GABBR2: variants seen among roughly 807,000 people sequenced by gnomAD.
GABBR2 encodes the protein G-protein coupled receptor 51.
Under a neutral mutation model 105.6 loss-of-function variants are expected in GABBR2, and 23 were observed. That is an observed-to-expected ratio of 0.22 (90% CI 0.16 to 0.31). The LOEUF (loss-of-function observed/expected upper bound fraction) is 0.31. GABBR2 is among the 10% of genes least tolerant of loss of function. The pLI, the probability that GABBR2 is intolerant of heterozygous loss-of-function variation, is 1.00. For missense variants in GABBR2, 734 were observed against 1,245.5 expected (o/e 0.59, Z 6.18); for synonymous variants, 478 against 499.7 (o/e 0.96, Z 0.58).
intron 15 of GABBR2, among the ~76,000 whole-genome samples, chr9:98,303,687 C>G (rs1048044785): frequency 2.0e-5 from 3 of 152,240 alleles, no homozygotes; most frequent in African/African-American, 7.2e-5. Context: ...CTGATGCCAC[C>G]TGCATCCCAA....
chr9:98,357,069 A>T (rs759624416), intron 13 of GABBR2, among the ~76,000 whole-genome samples: 1 of 152,226 alleles, frequency 6.6e-6, no homozygotes, highest in African/African-American at 2.4e-5. Context: ...CAGTGAATCT[A>T]CTCTGTATGA....
intron 8 of GABBR2, among the ~76,000 whole-genome samples, chr9:98,399,336 A>C (rs1251690475): frequency 6.8e-6 from 1 of 147,644 alleles, no homozygotes; most frequent in Non-Finnish European, 1.5e-5. Flanking sequence ...TGGGTGACAA[A>C]GCAAGACTCC....
At chr9:98,435,106 G>A (rs1361130447) in intron 7 of GABBR2, among the ~76,000 whole-genome samples, 2 of 152,122 alleles carry the variant, frequency 1.3e-5, no homozygotes, top group Admixed American at 1.3e-4. Context: ...TTTTTAATGC[G>A]CATTTGCCAA....
chr9:98,620,548 C>T (rs1341023734), intron 1 of GABBR2, among the ~76,000 whole-genome samples: 1 of 151,764 alleles, frequency 6.6e-6, no homozygotes, highest in South Asian at 2.1e-4. Context: ...CTTTGCCAAC[C>T]CACCCTTGAT....
intron 7 of GABBR2, among the ~76,000 whole-genome samples, chr9:98,414,266 A>G (rs1007490001): frequency 6.6e-6 from 1 of 152,250 alleles, no homozygotes; most frequent in Non-Finnish European, 1.5e-5. Flanking sequence ...ATTTGCACTG[A>G]AACCTGAAGG....
At chr9:98,345,581 A>T (rs12554390) in intron 13 of GABBR2, among the ~76,000 whole-genome samples, 29,761 of 152,236 alleles carry the variant, frequency 0.2, 3,644 homozygotes, top group East Asian at 0.27. Context: ...CCTATTCAAC[A>T]TTGTACTAGA....
At chr9:98,500,284 A>T (rs922349981) in intron 3 of GABBR2, among the ~76,000 whole-genome samples, 3 of 152,342 alleles carry the variant, frequency 2.0e-5, no homozygotes, top group African/African-American at 7.2e-5. Flanking sequence ...CTGGGGGCCT[A>T]ATCTGCATAT....
In GABBR2 at chr9:98,385,786, G is replaced by A. The variant is rs894772204; in HGVS notation, c.1530-14C>T. 6.2e-7 allele frequency: 1 copy of A among 1,602,712 alleles called. No individual in the cohort carries two copies. Among genetic ancestry groups the A allele is most frequent in the Non-Finnish European group, 8.5e-7 (1 of 1,170,144 alleles). On this transcript the variant is annotated splice_polypyrimidine_tract_variant and intron_variant, in intron 10 of 18. Transcript: ENST00000259455. ...ATCTTTATGAGCCTGACAAGAGAAAGAGACAATAGATTTAACAGAATGGTT... is the reference window on the plus strand; with the variant it reads ...ATCTTTATGAGCCTGACAAGAGAAAAAGACAATAGATTTAACAGAATGGTT...
At chr9:98,619,036 T>C (rs1829632305) in intron 1 of GABBR2, among the ~76,000 whole-genome samples, 1 of 152,204 alleles carries the variant, frequency 6.6e-6, no homozygotes, top group African/African-American at 2.4e-5. Context: ...TGAAGTGAAG[T>C]GTTCTAAGAT....
intron 1 of GABBR2, among the ~76,000 whole-genome samples, chr9:98,612,402 C>T (rs1477576701): frequency 2.0e-5 from 3 of 152,192 alleles, no homozygotes; most frequent in Admixed American, 6.5e-5. Flanking sequence ...GTGTTAGATG[C>T]TCACCTGTGT....
At chr9:98,683,237 G>T (rs149432071) in intron 1 of GABBR2, among the ~76,000 whole-genome samples, 2 of 152,150 alleles carry the variant, frequency 1.3e-5, no homozygotes, top group Non-Finnish European at 2.9e-5. Flanking sequence ...GAGATTACAG[G>T]CATGGGCCGC....
chr9:98,410,732 T>C (rs534980026), intron 7 of GABBR2, among the ~76,000 whole-genome samples: 1 of 152,156 alleles, frequency 6.6e-6, no homozygotes, highest in African/African-American at 2.4e-5. Context: ...CATTATTTCA[T>C]TTGTATTCCA....
chr9:98,431,481 G>A lies in GABBR2; in HGVS notation c.1236+22500C>T, dbSNP rs369705680. Among the ~76,000 whole-genome samples the A allele has an allele frequency of 5.9e-5, 9 of 151,838 alleles. No homozygotes were observed. The East Asian group carries it at 1.5e-3, about 26-fold the overall frequency. On this transcript the variant is annotated intron_variant, in intron 7 of 18. Transcript: ENST00000259455. The stretch of plus-strand genomic sequence containing the variant: ...GTTGAATAAATAAATGATGGAAAAG[G>A]TGATAGAAAAAAAAACCCACATAAG...
At chr9:98,657,111 G>A (rs1830194443) in intron 1 of GABBR2, among the ~76,000 whole-genome samples, 1 of 152,216 alleles carries the variant, frequency 6.6e-6, no homozygotes, top group African/African-American at 2.4e-5. Context: ...TTTACCTGTG[G>A]TAACAATCAA....
At chr9:98,336,957 G>A (rs1831126468) in intron 13 of GABBR2, among the ~76,000 whole-genome samples, 1 of 151,646 alleles carries the variant, frequency 6.6e-6, no homozygotes, top group Non-Finnish European at 1.5e-5. Flanking sequence ...AATGAAAGGA[G>A]CAAAACTCTC....
At chr9:98,382,530 G>A (rs999819153) in intron 11 of GABBR2, among the ~76,000 whole-genome samples, 1 of 152,230 alleles carries the variant, frequency 6.6e-6, no homozygotes, top group Admixed American at 6.5e-5. Context: ...GGCCAGGTTG[G>A]TCTTGAACTC....
intron 3 of GABBR2, among the ~76,000 whole-genome samples, chr9:98,498,956 A>T (rs74646139): frequency 0.027 from 4,069 of 152,350 alleles, 166 homozygotes; most frequent in African/African-American, 0.092. Flanking sequence ...GGAAACGCAC[A>T]GTCTAGCCTT....
intron 6 of GABBR2, among the ~76,000 whole-genome samples, chr9:98,462,793 A>C (rs1166054146): frequency 1.3e-5 from 2 of 152,196 alleles, no homozygotes; most frequent in Non-Finnish European, 2.9e-5. Flanking sequence ...TCAGAATTCC[A>C]CCCCAAGTAT....
chr9:98,382,592 A>G (rs1831998295), intron 11 of GABBR2, among the ~76,000 whole-genome samples: 3 of 152,110 alleles, frequency 2.0e-5, no homozygotes, highest in Admixed American at 2.0e-4. Context: ...TGGGATTATA[A>G]GCATGAGCCA....
Sources: gnomAD v4.1 joint callset for allele counts (sites outside exome capture counted in the v4.1 genomes callset) on GRCh38, gnomAD v4.1.1 for gene constraint, MANE v1.5 for transcripts, NCBI Gene and HGNC (gene_info 2026-07-23, HGNC 2026-07-21) for gene names.